CAMSAP2: variants seen among roughly 807,000 people sequenced by gnomAD.
The protein encoded by CAMSAP2 is calmodulin-regulated spectrin-associated protein 2.
In CAMSAP2, 26 loss-of-function variants were observed where a neutral mutation model predicts 146.1. The observed-to-expected ratio is 0.18, with a 90% confidence interval of 0.13 to 0.25. The LOEUF (loss-of-function observed/expected upper bound fraction) is 0.25, where lower values mean the gene tolerates loss of function less well. Among genes scored for constraint, CAMSAP2 ranks in the 10% least tolerant of loss-of-function variants. The pLI, the probability that CAMSAP2 is intolerant of heterozygous loss-of-function variation, is 1.00. For missense variants in CAMSAP2, 1,381 were observed against 1,759.3 expected, an observed-to-expected ratio of 0.78 and a Z score of 3.85; for synonymous variants, 499 against 596.6, an observed-to-expected ratio of 0.84 and a Z score of 2.38.
chr1:200,846,187 C>T (rs528155824), intron 8 of CAMSAP2, among the ~76,000 whole-genome samples: 1 of 152,238 alleles, frequency 6.6e-6, no homozygotes, highest in Admixed American at 6.5e-5. Context: ...ATTTAGCAGG[C>T]ATGGTGGGTC....
chr1:200,848,514 T>C lies in CAMSAP2; in HGVS notation c.1745T>C (p.Ile582Thr). Residue 582 changes from isoleucine to threonine, a missense_variant, in exon 11 of 17, where the codon ATC (isoleucine) becomes ACC (threonine). By Grantham distance (89) the Ile-to-Thr change is moderately conservative. Coordinates refer to ENST00000358823, the MANE Select transcript of CAMSAP2 (RefSeq NM_203459.4). ...SQEMSILNSN[I>T]KLNQSSPDNV... is the part of the protein sequence containing the mutation. ...GAAATGAGTATCTTAAATTCAAATA[T>C]CAAGTTAAATCAATCTAGTCCTGAT... The C allele has an allele frequency of 1.2e-6, 2 of 1,613,830 alleles. No homozygotes were observed. Among genetic ancestry groups the C allele is most frequent in the Non-Finnish European group, 8.5e-7 (1 of 1,179,928 alleles).
In CAMSAP2 at chr1:200,847,975, A is replaced by G. The variant is rs552368055; in HGVS notation, c.1263-57A>G. On this transcript the variant is annotated intron_variant, in intron 10 of 16. Transcript: ENST00000358823. ...AATTTCAAATAATTCTTGTTAAATG[A>G]TACTAAAAATCATTTCTAGGATTTT... 3.5e-6 allele frequency: 4 copies of G among 1,153,706 alleles called. No individual in the cohort carries two copies. The South Asian group carries it at 5.0e-5, about 15-fold the overall frequency. 71.5% of individuals were successfully genotyped at this position (1,153,706 alleles called of 1,614,324 possible). A position where few individuals can be genotyped will look rare whatever the true frequency, so the allele number is the denominator to read the frequency against.
rs1490239240 is a variant in CAMSAP2 at position 200,860,195 on chromosome 1, A to C, written c.*2136A>C. On this transcript the variant is annotated 3_prime_UTR_variant, in exon 17 of 17. Transcript: ENST00000358823. ...GAAGGAATATGGATATATTTCTTTA[A>C]GTCTGCAGATTTTTTTATTATGGTG... 1 of 152,830 alleles carries C rather than the reference A, an allele frequency of 6.5e-6. No individual in the cohort carries two copies. The highest frequency in any genetic ancestry group is 2.1e-4 in the South Asian group (1 of 4,828). The allele number at this position is 152,830 out of a possible 1,614,324, so 9.5% of individuals were successfully genotyped here. A position where few individuals can be genotyped will look rare whatever the true frequency, so the allele number is the denominator to read the frequency against.
chr1:200,752,739 CCCAAGTAG>C (rs1664543417), intron 1 of CAMSAP2, among the ~76,000 whole-genome samples: 1 of 151,922 alleles, frequency 6.6e-6, no homozygotes, highest in Non-Finnish European at 1.5e-5. Context: ...GCCTCAGCCT[CCCAAGTAG>C]CTGGGACTAC....
At chr1:200,817,885 C>T (rs1666649239) in intron 4 of CAMSAP2, among the ~76,000 whole-genome samples, 1 of 152,212 alleles carries the variant, frequency 6.6e-6, no homozygotes, top group African/African-American at 2.4e-5. Flanking sequence ...GAATGGAATT[C>T]TCCTTTTTCC....
rs142462664 is a variant in CAMSAP2 at position 200,828,808 on chromosome 1, C to T, written c.646-3392C>T. 1.1e-3 allele frequency among the ~76,000 whole-genome samples: 173 copies of T among 152,092 alleles called. 1 individual carries two copies. Among genetic ancestry groups the T allele is most frequent in the Non-Finnish European group, 2.0e-3 (133 of 67,990 alleles). ...TTCTAAAAATAATTTAAAGGGTAAACATCCTGTTGCTAATCTTGTCAGTAT... is the reference window on the plus strand; with the variant it reads ...TTCTAAAAATAATTTAAAGGGTAAATATCCTGTTGCTAATCTTGTCAGTAT... On this transcript the variant is annotated intron_variant, in intron 4 of 16. Transcript: ENST00000358823.
intron 2 of CAMSAP2, among the ~76,000 whole-genome samples, chr1:200,793,450 A>G (rs544566204): frequency 1.3e-5 from 2 of 152,268 alleles, no homozygotes; most frequent in East Asian, 1.9e-4. Context: ...TTACTTATAT[A>G]TGGGAAAACA....
chr1:200,806,940 T>C (rs1049068482), intron 2 of CAMSAP2, among the ~76,000 whole-genome samples: 9 of 152,122 alleles, frequency 5.9e-5, no homozygotes, highest in African/African-American at 2.2e-4. Flanking sequence ...TGAGAAATGT[T>C]TGGGTCTGAA....
chr1:200,752,472 A>G (rs1664533168), intron 1 of CAMSAP2, among the ~76,000 whole-genome samples: 1 of 152,182 alleles, frequency 6.6e-6, no homozygotes, highest in South Asian at 2.1e-4. Flanking sequence ...ATAATTCATA[A>G]GAAAAAAAAT....
At chr1:200,783,783 C>T (rs952923775) in intron 2 of CAMSAP2, among the ~76,000 whole-genome samples, 1 of 152,202 alleles carries the variant, frequency 6.6e-6, no homozygotes, top group South Asian at 2.1e-4. Context: ...CCACCATGCC[C>T]AGCCTGCGTT....
intron 2 of CAMSAP2, among the ~76,000 whole-genome samples, chr1:200,797,388 T>C (rs1206080642): frequency 1.3e-5 from 2 of 151,514 alleles, no homozygotes; most frequent in African/African-American, 2.4e-5. Flanking sequence ...TGGTATCTCA[T>C]TGTGGTTTTG....
chr1:200,776,108 CTTA>C (rs1665271992), intron 2 of CAMSAP2, among the ~76,000 whole-genome samples: 1 of 151,942 alleles, frequency 6.6e-6, no homozygotes. Context: ...TTTTGCCAAT[CTTA>C]TTATTTTTTT....
chr1:200,850,729 A>G (rs1361648424), intron 11 of CAMSAP2, among the ~76,000 whole-genome samples: 1 of 152,168 alleles, frequency 6.6e-6, no homozygotes, highest in Non-Finnish European at 1.5e-5. Flanking sequence ...TTATTTACAC[A>G]TCTTCACCAC....
At chr1:200,758,745 A>G (rs7519005) in intron 1 of CAMSAP2, among the ~76,000 whole-genome samples, 15,319 of 151,954 alleles carry the variant, frequency 0.1, 874 homozygotes, top group Middle Eastern at 0.14. Flanking sequence ...TCTGATTTTC[A>G]TTTTTCTATT....
In CAMSAP2 at chr1:200,764,269, GA is replaced by G. The variant is rs34204723; in HGVS notation, c.399+3178del. The stretch of plus-strand genomic sequence containing the variant: ...TTTCTGTATGCCAGCCTTTTGGGGG[GA>G]AAAAAAGTGTGGTGGTAGCAAAAGT... On this transcript the variant is annotated intron_variant, in intron 2 of 16. Coordinates refer to ENST00000358823, the MANE Select transcript of CAMSAP2 (RefSeq NM_203459.4). Among the ~76,000 whole-genome samples, 748 of 151,750 alleles carry G rather than the reference GA, an allele frequency of 4.9e-3. 5 individuals carry two copies. Among genetic ancestry groups the G allele is most frequent in the African/African-American group, 0.016 (678 of 41,378 alleles).
chr1:200,770,076 C>T (rs971809560), intron 2 of CAMSAP2, among the ~76,000 whole-genome samples: 1 of 152,132 alleles, frequency 6.6e-6, no homozygotes, highest in African/African-American at 2.4e-5. Flanking sequence ...AGATGATTCT[C>T]CCCTATCATG....
In CAMSAP2 at chr1:200,848,712, A is replaced by G; in HGVS notation, c.1943A>G (p.Gln648Arg). 1 of 1,614,126 alleles carries G rather than the reference A, an allele frequency of 6.2e-7. No homozygotes were observed. Among genetic ancestry groups the G allele is most frequent in the Non-Finnish European group, 8.5e-7 (1 of 1,179,984 alleles). The change falls in exon 11 of 17, where the codon CAG (glutamine) becomes CGG (arginine). Residue 648 changes from glutamine to arginine, a missense_variant. Transcript: ENST00000358823. ...SDMDDASKFL[Q>R]DYDIRTGNTR... The stretch of plus-strand genomic sequence containing the variant: ...ATGGATGATGCATCTAAATTTCTTC[A>G]GGATTATGATATTCGAACTGGCAAC...
intron 4 of CAMSAP2, among the ~76,000 whole-genome samples, chr1:200,817,177 TAC>T (rs199622457): frequency 0.01 from 544 of 54,190 alleles, 12 homozygotes; most frequent in Non-Finnish European, 1.0e-2. Context: ...TGTGTGTATA[TAC>T]ACACACACAC....
intron 4 of CAMSAP2, among the ~76,000 whole-genome samples, chr1:200,831,056 A>C (rs1157686436): frequency 6.6e-6 from 1 of 151,612 alleles, no homozygotes; most frequent in Non-Finnish European, 1.5e-5. Context: ...TTTATCTTAT[A>C]ATTATATTTT....
Sources: gnomAD v4.1 joint callset for allele counts (sites outside exome capture counted in the v4.1 genomes callset) on GRCh38, gnomAD v4.1.1 for gene constraint, MANE v1.5 for transcripts, NCBI Gene and HGNC (gene_info 2026-07-23, HGNC 2026-07-21) for gene names.